ZBTB7C: variants seen among roughly 807,000 people sequenced by gnomAD.
ZBTB7C encodes zinc finger and BTB domain containing 7C.
A neutral mutation model predicts 25.7 loss-of-function variants in ZBTB7C; 8 were observed. The observed-to-expected ratio is 0.31, with a 90% confidence interval of 0.18 to 0.56. ZBTB7C has a LOEUF of 0.56. ZBTB7C is among the 20% of genes least tolerant of loss of function. ZBTB7C has a pLI of 0.91. For synonymous variants in ZBTB7C, 394 were observed against 369.0 expected (o/e 1.07, Z -0.78); for missense variants, 824 against 855.2 (o/e 0.96, Z 0.46).
chr18:48,067,310 A>C (rs1041740735), intron 3 of ZBTB7C, among the ~76,000 whole-genome samples: 53 of 152,214 alleles, frequency 3.5e-4, no homozygotes, highest in African/African-American at 1.2e-3. Context: ...CGGAGGAACC[A>C]GCTATGAAAC....
At chr18:48,318,554 C>A (rs908597551) in intron 2 of ZBTB7C, among the ~76,000 whole-genome samples, 4 of 152,238 alleles carry the variant, frequency 2.6e-5, no homozygotes, top group Non-Finnish European at 4.4e-5. Flanking sequence ...CGGCCCACGT[C>A]CTCCCTCTGG....
chr18:48,167,404 C>T (rs534302005), intron 3 of ZBTB7C, among the ~76,000 whole-genome samples: 159 of 152,196 alleles, frequency 1.0e-3, no homozygotes, highest in Non-Finnish European at 1.9e-3. Context: ...TTCTCTTTGG[C>T]GTTAACTGTT....
chr18:48,195,750 C>T (rs184707173), intron 2 of ZBTB7C, among the ~76,000 whole-genome samples: 5 of 152,104 alleles, frequency 3.3e-5, no homozygotes, highest in East Asian at 1.9e-4. Context: ...AACAACCTTC[C>T]GCAGTTGTTT....
At chr18:48,175,926 G>A (rs1421036491) in intron 3 of ZBTB7C, among the ~76,000 whole-genome samples, 1 of 152,242 alleles carries the variant, frequency 6.6e-6, no homozygotes, top group Non-Finnish European at 1.5e-5. Flanking sequence ...GCTGGAGTTG[G>A]AAATGCATCA....
Position 48,306,664 on chromosome 18 carries a change from C to A in ZBTB7C, c.-79+31510G>T, listed in dbSNP as rs1299076887. Among the ~76,000 whole-genome samples the A allele has an allele frequency of 7.9e-5, 12 of 152,292 alleles. No homozygotes were observed. The Middle Eastern group carries it at 0.02, about 259-fold the overall frequency. On this transcript the variant is annotated intron_variant, in intron 2 of 4. Coordinates refer to ENST00000590800, the MANE Select transcript of ZBTB7C (RefSeq NM_001318841.2). ...CTTATCTTCTTATCACAACACAAATCTCTGTCCTCTCCTCTTCTCCTACAA... is the reference window on the plus strand; with the variant it reads ...CTTATCTTCTTATCACAACACAAATATCTGTCCTCTCCTCTTCTCCTACAA...
intron 3 of ZBTB7C, among the ~76,000 whole-genome samples, chr18:48,141,110 C>G (rs1308768932): frequency 6.6e-6 from 1 of 151,614 alleles, no homozygotes; most frequent in Non-Finnish European, 1.5e-5. Flanking sequence ...CCCTGCACCC[C>G]ATACTGCAAT....
chr18:48,340,053 T>C (rs1314518578), intron 1 of ZBTB7C, among the ~76,000 whole-genome samples: 1 of 152,172 alleles, frequency 6.6e-6, no homozygotes. Flanking sequence ...TCATATACTC[T>C]ATGTGTGGAA....
At chr18:48,341,430 A>G (rs1406197315) in intron 1 of ZBTB7C, among the ~76,000 whole-genome samples, 1 of 152,222 alleles carries the variant, frequency 6.6e-6, no homozygotes, top group Non-Finnish European at 1.5e-5. Context: ...AGCTGAATTT[A>G]GTGAGGAAGC....
intron 3 of ZBTB7C, among the ~76,000 whole-genome samples, chr18:48,101,306 A>G (rs1232302104): frequency 6.6e-6 from 1 of 152,244 alleles, no homozygotes; most frequent in Non-Finnish European, 1.5e-5. Context: ...ATCCAAAAGA[A>G]ATAGAATGTG....
chr18:48,318,214 C>CAA (rs374796051), intron 2 of ZBTB7C, among the ~76,000 whole-genome samples: 2 of 148,746 alleles, frequency 1.3e-5, no homozygotes, highest in African/African-American at 2.5e-5. Context: ...CAAAACAAAA[C>CAA]AAAAAAAAAA....
chr18:48,298,200 AAC>A (rs2045448919), intron 2 of ZBTB7C, among the ~76,000 whole-genome samples: 1 of 151,706 alleles, frequency 6.6e-6, no homozygotes, highest in African/African-American at 2.4e-5. Context: ...GAATTACTTG[AAC>A]CCTGCAAGTG....
At chr18:48,212,610 C>T (rs2042728033) in intron 2 of ZBTB7C, among the ~76,000 whole-genome samples, 1 of 152,024 alleles carries the variant, frequency 6.6e-6, no homozygotes, top group Non-Finnish European at 1.5e-5. Flanking sequence ...AGGGAACTCT[C>T]CGTACTTTCT....
chr18:48,342,446 G>A (rs752146649), intron 1 of ZBTB7C, among the ~76,000 whole-genome samples: 10 of 152,292 alleles, frequency 6.6e-5, no homozygotes, highest in Admixed American at 6.5e-5. Flanking sequence ...AGGCAGGATC[G>A]GGAGGCAGCC....
intron 3 of ZBTB7C, among the ~76,000 whole-genome samples, chr18:48,100,674 G>A (rs1041039417): frequency 2.0e-5 from 3 of 152,248 alleles, no homozygotes; most frequent in South Asian, 2.1e-4. Flanking sequence ...ACTGTTATCC[G>A]GGGTTTCTAT....
At position 48,206,751 on chromosome 18, in the gene ZBTB7C, A is replaced by G. The variant is rs1298719789; in HGVS notation, c.-78-20756T>C. ...ACCTAAACATGAAAGCTAAGACAAC[A>G]AAGCTGCTGAACGACACCCCTGGAG... On this transcript the variant is annotated intron_variant, in intron 2 of 4. Coordinates refer to ENST00000590800, the MANE Select transcript of ZBTB7C (RefSeq NM_001318841.2). 3.9e-5 allele frequency among the ~76,000 whole-genome samples: 6 copies of G among 152,244 alleles called. No individual in the cohort carries two copies. The East Asian group carries it at 1.2e-3, about 29-fold the overall frequency.
At chr18:48,103,501 C>A (rs942022018) in intron 3 of ZBTB7C, among the ~76,000 whole-genome samples, 6 of 152,054 alleles carry the variant, frequency 3.9e-5, no homozygotes, top group African/African-American at 7.3e-5. Flanking sequence ...CTTTCAGGGA[C>A]AAAGACAGCT....
At chr18:48,070,456 G>A (rs1390472684) in intron 3 of ZBTB7C, among the ~76,000 whole-genome samples, 1 of 152,204 alleles carries the variant, frequency 6.6e-6, no homozygotes, top group East Asian at 1.9e-4. Context: ...AGGAGCAGGA[G>A]GAAGAAGAGG....
intron 1 of ZBTB7C, among the ~76,000 whole-genome samples, chr18:48,366,736 A>G (rs1033087463): frequency 2.6e-5 from 4 of 152,244 alleles, no homozygotes; most frequent in African/African-American, 9.6e-5. Context: ...AGACTACAAG[A>G]AGATCCAGTT....
chr18:48,152,305 A>G (rs2040703481), intron 3 of ZBTB7C, among the ~76,000 whole-genome samples: 1 of 152,140 alleles, frequency 6.6e-6, no homozygotes, highest in Admixed American at 6.5e-5. Context: ...AATTTTCAAG[A>G]AAGTTTATGA....
Sources: gnomAD v4.1 joint callset for allele counts (sites outside exome capture counted in the v4.1 genomes callset) on GRCh38, gnomAD v4.1.1 for gene constraint, MANE v1.5 for transcripts, NCBI Gene and HGNC (gene_info 2026-07-23, HGNC 2026-07-21) for gene names.